IL18RAP: variants seen among roughly 807,000 people sequenced by gnomAD.
IL18RAP encodes the protein interleukin-18 receptor accessory protein.
A neutral mutation model predicts 58.1 loss-of-function variants in IL18RAP; 37 were observed. That is an observed-to-expected ratio of 0.64 (90% CI 0.49 to 0.84). The LOEUF (loss-of-function observed/expected upper bound fraction) is 0.84, where lower values mean the gene tolerates loss of function less well. Ranked by LOEUF, IL18RAP falls within the 40% of genes least tolerant of loss-of-function variation. IL18RAP has a pLI of 0.00. For synonymous variants in IL18RAP, 268 were observed against 257.5 expected, an observed-to-expected ratio of 1.04 and a Z score of -0.39; for missense variants, 667 against 704.8, an observed-to-expected ratio of 0.95 and a Z score of 0.61.
chr2:102,450,895 T>C lies in IL18RAP; in HGVS notation c.1258T>C (p.Phe420Leu). ...CGTATCCTATGCAAAATGGAGCTCT[T>C]TTCCAAGTGAGGCCACTTCATCTCT... ...AFVSYAKWSSFPSEATSSLSE... is the reference protein window; with the variant it reads ...AFVSYAKWSSLPSEATSSLSE... Residue 420 changes from phenylalanine to leucine, a missense_variant, in exon 9 of 10, where the codon TTT becomes CTT. By Grantham distance (22) the Phe-to-Leu change is conservative. Transcript: ENST00000687160. 6.2e-7 allele frequency: 1 copy of C among 1,610,872 alleles called. No homozygotes were observed. The highest frequency in any genetic ancestry group is 2.2e-5 in the East Asian group (1 of 44,858).
rs1012633665 is a variant in IL18RAP at position 102,452,079 on chromosome 2, A to G, written c.1698A>G (p.Gly566=). The G allele has an allele frequency of 6.2e-6, 10 of 1,614,050 alleles. No individual in the cohort carries two copies. Among genetic ancestry groups the G allele is most frequent in the Non-Finnish European group, 7.6e-6 (9 of 1,180,024 alleles). The change falls in exon 10 of 10, where the codon GGA becomes GGG. Residue 566 remains glycine (G), a synonymous_variant. Coordinates refer to ENST00000687160, the MANE Select transcript of IL18RAP (RefSeq NM_001393487.1). ...RYHMPVKNSQ[G]FTWNQLRITS... ...ACATGCCTGTGAAAAACTCTCAGGGATTCACGTGGAACCAGCTCAGAATTA... is the reference window on the plus strand; with the variant it reads ...ACATGCCTGTGAAAAACTCTCAGGGGTTCACGTGGAACCAGCTCAGAATTA...
chr2:102,440,743 A>G (rs1377300547), intron 4 of IL18RAP, among the ~76,000 whole-genome samples: 2 of 152,112 alleles, frequency 1.3e-5, no homozygotes, highest in African/African-American at 4.8e-5. Flanking sequence ...AAGACCCTGG[A>G]TTTTTCTTTA....
chr2:102,433,993 G>A (rs1389190470), intron 3 of IL18RAP: 1 of 152,226 alleles, frequency 6.6e-6, no homozygotes, highest in Non-Finnish European at 1.5e-5. Context: ...TTTCTAAATA[G>A]AGAATAAGTT....
chr2:102,432,121 G>A (rs988275351), intron 3 of IL18RAP, among the ~76,000 whole-genome samples: 6 of 152,000 alleles, frequency 3.9e-5, no homozygotes, highest in Non-Finnish European at 5.9e-5. Context: ...ATTCCAGGTG[G>A]GCTAGTTGGT....
In IL18RAP at chr2:102,452,232, T is replaced by C; in HGVS notation, c.*51T>C. 1 of 1,490,498 alleles carries C rather than the reference T, an allele frequency of 6.7e-7. No homozygotes were observed. The highest frequency in any genetic ancestry group is 9.0e-7 in the Non-Finnish European group (1 of 1,105,962). The allele number at this position is 1,490,498 out of a possible 1,614,324, so 92.3% of individuals were successfully genotyped here. On this transcript the variant is annotated 3_prime_UTR_variant, in exon 10 of 10. Transcript: ENST00000687160. ...CCAGTCCCTGGGATAGAGATGTTGC[T>C]GGACAGAACTCACAGCTCTGTGTGT...
intron 3 of IL18RAP, among the ~76,000 whole-genome samples, chr2:102,436,980 G>A (rs1682788942): frequency 6.6e-6 from 1 of 152,058 alleles, no homozygotes; most frequent in African/African-American, 2.4e-5. Context: ...ATCAGGTTTG[G>A]AGGTTTGACT....
At chr2:102,442,155 G>A (rs1683143031) in intron 5 of IL18RAP, among the ~76,000 whole-genome samples, 1 of 152,160 alleles carries the variant, frequency 6.6e-6, no homozygotes, top group African/African-American at 2.4e-5. Flanking sequence ...TTCCAAAGTA[G>A]TGTCTTCTTT....
chr2:102,451,455 C>T (rs1573309149), intron 9 of IL18RAP, among the ~76,000 whole-genome samples: 1 of 152,358 alleles, frequency 6.6e-6, no homozygotes, highest in African/African-American at 2.4e-5. Context: ...TGGCCTCCTC[C>T]TCCTCAGATA....
intron 7 of IL18RAP, among the ~76,000 whole-genome samples, chr2:102,445,699 C>A (rs907613685): frequency 4.6e-5 from 7 of 152,118 alleles, no homozygotes; most frequent in African/African-American, 1.7e-4. Context: ...TCCAATTTTT[C>A]TTTCCTGGCT....
Position 102,450,885 on chromosome 2 carries a change from A to C in IL18RAP, c.1248A>C (p.Lys416Asn). Residue 416 changes from lysine to asparagine, a missense_variant, in exon 9 of 10, where the codon AAA becomes AAC. Lys to Asn is a moderately conservative substitution (Grantham distance 94, BLOSUM62 0). Transcript: ENST00000687160. ...TTGATGCTTTCGTATCCTATGCAAA[A>C]TGGAGCTCTTTTCCAAGTGAGGCCA... ...KDFDAFVSYA[K>N]WSSFPSEATS... The C allele has an allele frequency of 6.2e-7, 1 of 1,609,528 alleles. No homozygotes were observed. Among genetic ancestry groups the C allele is most frequent in the Non-Finnish European group, 8.5e-7 (1 of 1,178,618 alleles).
At chr2:102,433,400 T>C (rs1283250333) in intron 3 of IL18RAP, among the ~76,000 whole-genome samples, 1 of 152,258 alleles carries the variant, frequency 6.6e-6, no homozygotes, top group East Asian at 1.9e-4. Context: ...TTTTAAAAAT[T>C]TTTTGTAGAG....
chr2:102,438,910 G>A (rs1276500770), intron 4 of IL18RAP: 1 of 152,298 alleles, frequency 6.6e-6, no homozygotes, highest in Non-Finnish European at 1.5e-5. Flanking sequence ...TGGGCACATG[G>A]AGGCCCACCA....
chr2:102,437,499 G>T, intron 4 of IL18RAP, 137 bp downstream of exon 4: 1 of 740,030 alleles, frequency 1.4e-6, no homozygotes, highest in Non-Finnish European at 2.0e-6. Flanking sequence ...CCTTTCATGT[G>T]GGCAAACATC....
Position 102,443,571 on chromosome 2 carries a change from G to T in IL18RAP, c.920+248G>T, listed in dbSNP as rs75507411. Among the ~76,000 whole-genome samples the T allele has an allele frequency of 2.5e-3, 378 of 152,298 alleles. 12 individuals are homozygous for T. The East Asian group carries it at 0.059, about 24-fold the overall frequency. On this transcript the variant is annotated intron_variant, in intron 6 of 9. Coordinates refer to ENST00000687160, the MANE Select transcript of IL18RAP (RefSeq NM_001393487.1). ...AAGCTATTGAGCAGACAGTTGTACT[G>T]ACCCAGACTGCTTGGAGATAAGTAA...
chr2:102,423,187 G>C lies in IL18RAP; in HGVS notation c.-91G>C. The C allele has an allele frequency of 9.0e-7, 1 of 1,112,610 alleles. No homozygotes were observed. The highest frequency in any genetic ancestry group is 1.4e-6 in the Non-Finnish European group (1 of 727,438). 68.9% of individuals were successfully genotyped at this position (1,112,610 alleles called of 1,614,324 possible). On this transcript the variant is annotated 5_prime_UTR_variant, in exon 1 of 10. Transcript: ENST00000687160. ...ATTTCTTGATTTACAGAAATGAAGG[G>C]GATACTCAGGGCAGAGTTCTGAATC... is the stretch of plus-strand genomic sequence containing the variant.
intron 3 of IL18RAP, 115 bp from the exon 4 acceptor site, chr2:102,437,097 A>C: frequency 2.2e-6 from 2 of 895,330 alleles, no homozygotes; most frequent in South Asian, 3.5e-5. Flanking sequence ...AGATACCCTT[A>C]TCTCAGATTG....
chr2:102,423,311 G>A lies in IL18RAP; in HGVS notation c.34G>A (p.Val12Ile), dbSNP rs778541727. Residue 12 changes from valine to isoleucine, a missense_variant, in exon 1 of 10, where the codon GTT (valine) becomes ATT (isoleucine). Transcript: ENST00000687160. ...LCLGWIFLWL[V>I]AGERIKGFNI... ...TTTGGGCTGGATATTTCTTTGGCTT[G>A]TTGCAGGAGAGCGAATTAAAGGATT... 1 of 1,614,116 alleles carries A rather than the reference G, an allele frequency of 6.2e-7. No homozygotes were observed. The highest frequency in any genetic ancestry group is 1.7e-5 in the Admixed American group (1 of 60,024).
intron 3 of IL18RAP, among the ~76,000 whole-genome samples, chr2:102,425,690 T>C (rs779890825): frequency 5.3e-5 from 8 of 152,120 alleles, no homozygotes; most frequent in Non-Finnish European, 1.0e-4. Context: ...CTTGGTGGGC[T>C]GTTCTCAGGC....
chr2:102,450,222 A>G (rs1248638562), intron 8 of IL18RAP, among the ~76,000 whole-genome samples: 1 of 54 alleles, frequency 0.019, no homozygotes, highest in Non-Finnish European at 0.031. Context: ...ATATCCTATA[A>G]CAAGTTATAT....
Sources: gnomAD v4.1 joint callset for allele counts (sites outside exome capture counted in the v4.1 genomes callset) on GRCh38, gnomAD v4.1.1 for gene constraint, MANE v1.5 for transcripts, NCBI Gene and HGNC (gene_info 2026-07-23, HGNC 2026-07-21) for gene names.